The following EIF2B3 variants were observed in gnomAD, a reference collection of about 807,000 sequenced individuals.
EIF2B3 encodes the protein translation initiation factor eIF2B subunit gamma.
Under a neutral mutation model 54.1 loss-of-function variants are expected in EIF2B3, and 20 were observed. The ratio of observed to expected loss-of-function variants is 0.37; its 90% CI spans 0.26 to 0.54. EIF2B3 has a LOEUF of 0.54. Among genes scored for constraint, EIF2B3 ranks in the 20% least tolerant of loss-of-function variants. EIF2B3 has a pLI of 0.86. For synonymous variants in EIF2B3, 153 were observed against 188.1 expected, an observed-to-expected ratio of 0.81 and a Z score of 1.52; for missense variants, 448 against 547.8, an observed-to-expected ratio of 0.82 and a Z score of 1.82.
chr1:44,904,805 G>C (rs1643383554), intron 5 of EIF2B3, among the ~76,000 whole-genome samples: 1 of 152,152 alleles, frequency 6.6e-6, no homozygotes, highest in Non-Finnish European at 1.5e-5. Context: ...GAGCCACCAT[G>C]TCCAGCCAGA....
rs1643852865 is a variant in EIF2B3 at position 44,926,529 on chromosome 1, G to A, written c.566+99C>T. 3.1e-5 allele frequency: 29 copies of A among 928,436 alleles called. 1 individual carries two copies. The South Asian group carries it at 3.8e-4, about 12-fold the overall frequency. 57.5% of individuals were successfully genotyped at this position (928,436 alleles called of 1,614,324 possible). On this transcript the variant is annotated intron_variant, in intron 5 of 11. Coordinates refer to ENST00000360403, the MANE Select transcript of EIF2B3 (RefSeq NM_020365.5). Reference sequence around the variant, plus strand: ...CACATACTTTTGTCAATTTCACACAGTATAGTCTAGTTTTCATTCCCTCTT... The same window carrying A: ...CACATACTTTTGTCAATTTCACACAATATAGTCTAGTTTTCATTCCCTCTT...
chr1:44,925,471 A>C (rs1569743913), intron 5 of EIF2B3, among the ~76,000 whole-genome samples: 1 of 152,220 alleles, frequency 6.6e-6, no homozygotes, highest in East Asian at 1.9e-4. Context: ...TTAGATATTT[A>C]AAGTAGAATC....
chr1:44,972,296 TACAC>T (rs1313413708), intron 3 of EIF2B3, among the ~76,000 whole-genome samples: 2 of 131,668 alleles, frequency 1.5e-5, no homozygotes. Flanking sequence ...CACATGTATA[TACAC>T]ACACACACAT....
chr1:44,973,778 A>G (rs547549648), intron 3 of EIF2B3, among the ~76,000 whole-genome samples: 1 of 152,322 alleles, frequency 6.6e-6, no homozygotes, highest in African/African-American at 2.4e-5. Context: ...TCATAGAAAT[A>G]GGAAGTAGAA....
chr1:44,907,176 C>T (rs1643427512), intron 5 of EIF2B3, among the ~76,000 whole-genome samples: 1 of 152,244 alleles, frequency 6.6e-6, no homozygotes, highest in African/African-American at 2.4e-5. Context: ...CTCTCTGCAT[C>T]CTCTCTTACC....
chr1:44,916,718 G>A lies in EIF2B3; in HGVS notation c.566+9910C>T, dbSNP rs1451792031. ...CACACCCATAGTGGTAGCTACTCAG[G>A]AGGCTGAGGTAGGAGGATTGATTGA... On this transcript the variant is annotated intron_variant, in intron 5 of 11. Transcript: ENST00000360403. Among the ~76,000 whole-genome samples, 3 of 150,814 alleles carry A rather than the reference G, an allele frequency of 2.0e-5. No homozygotes were observed. In the East Asian group the frequency reaches 5.9e-4, roughly 30 times the overall value.
chr1:44,935,649 G>T (rs755557403), intron 4 of EIF2B3, among the ~76,000 whole-genome samples: 24 of 152,084 alleles, frequency 1.6e-4, no homozygotes, highest in Non-Finnish European at 3.1e-4. Flanking sequence ...ACAGGCATGT[G>T]CCACCACACC....
At chr1:44,885,901 ATTTTTTT>A (rs57544990) in intron 6 of EIF2B3, among the ~76,000 whole-genome samples, 1 of 133,210 alleles carries the variant, frequency 7.5e-6, no homozygotes, top group Non-Finnish European at 1.6e-5. Flanking sequence ...CGCTTGGCTA[ATTTTTTT>A]TTTTTTTTTT....
chr1:44,912,415 C>T (rs1643534416), intron 5 of EIF2B3, among the ~76,000 whole-genome samples: 1 of 151,984 alleles, frequency 6.6e-6, no homozygotes. Context: ...TTTCAGAATC[C>T]TATATTTGAA....
At chr1:44,874,171 A>G (rs1655049198) in intron 10 of EIF2B3, among the ~76,000 whole-genome samples, 1 of 152,132 alleles carries the variant, frequency 6.6e-6, no homozygotes, top group African/African-American at 2.4e-5. Context: ...ATTTTCCCAG[A>G]GTTAATAACA....
intron 6 of EIF2B3, among the ~76,000 whole-genome samples, chr1:44,883,362 C>T (rs535286173): frequency 2.1e-4 from 32 of 152,218 alleles, no homozygotes; most frequent in Non-Finnish European, 4.1e-4. Flanking sequence ...TCATGATTAC[C>T]AATCATTTTT....
chr1:44,862,146 C>A (rs1046924846), intron 10 of EIF2B3, among the ~76,000 whole-genome samples: 2 of 152,196 alleles, frequency 1.3e-5, no homozygotes. Context: ...TATAGTCCAA[C>A]AAAAGAGCTT....
At chr1:44,931,984 T>C (rs993951887) in intron 4 of EIF2B3, among the ~76,000 whole-genome samples, 4 of 152,124 alleles carry the variant, frequency 2.6e-5, no homozygotes, top group South Asian at 2.1e-4. Flanking sequence ...TGGTGGCACA[T>C]GCTGGTAATC....
chr1:44,909,711 T>C (rs1643476807), intron 5 of EIF2B3, among the ~76,000 whole-genome samples: 1 of 152,188 alleles, frequency 6.6e-6, no homozygotes. Context: ...TGGGAAAGGT[T>C]TGTGATCCTA....
At chr1:44,972,998 G>A (rs148684542) in intron 3 of EIF2B3, among the ~76,000 whole-genome samples, 65 of 152,212 alleles carry the variant, frequency 4.3e-4, no homozygotes, top group African/African-American at 1.4e-3. Flanking sequence ...CCATGATTGC[G>A]CCATGGCACT....
chr1:44,869,458 A>T (rs1654886999), intron 10 of EIF2B3, among the ~76,000 whole-genome samples: 1 of 151,040 alleles, frequency 6.6e-6, no homozygotes, highest in Non-Finnish European at 1.5e-5. Context: ...AGCCTTGGTG[A>T]CAGAGTGAGA....
At chr1:44,971,433 C>T (rs1644398749) in intron 3 of EIF2B3, among the ~76,000 whole-genome samples, 1 of 151,920 alleles carries the variant, frequency 6.6e-6, no homozygotes, top group African/African-American at 2.4e-5. Flanking sequence ...AGTAAAATGC[C>T]CCTTTGGAGG....
In EIF2B3 at chr1:44,875,613, C is replaced by G. The variant is rs757952900; in HGVS notation, c.1053+5G>C. Reference sequence around the variant, plus strand: ...CATGCCCGTCCTGGCCACACTAGCACTTACCAGGTGTTTGCTGACAATCTG... The same window carrying G: ...CATGCCCGTCCTGGCCACACTAGCAGTTACCAGGTGTTTGCTGACAATCTG... On this transcript the variant is annotated splice_donor_5th_base_variant and intron_variant, in intron 9 of 11. Transcript: ENST00000360403. 1.2e-6 allele frequency: 2 copies of G among 1,614,002 alleles called. No individual in the cohort carries two copies. The highest frequency in any genetic ancestry group is 1.7e-6 in the Non-Finnish European group (2 of 1,179,844).
At chr1:44,906,614 G>C (rs1488111679) in intron 5 of EIF2B3, among the ~76,000 whole-genome samples, 1 of 152,116 alleles carries the variant, frequency 6.6e-6, no homozygotes, top group African/African-American at 2.4e-5. Flanking sequence ...TGGTCAGGCT[G>C]GTCTTGAACT....
Sources: allele counts gnomAD v4.1 joint callset (sites outside exome capture counted in the v4.1 genomes callset), GRCh38; gene constraint gnomAD v4.1.1; transcripts MANE v1.5; gene names NCBI Gene and HGNC (gene_info 2026-07-23, HGNC 2026-07-21).